FBXO4: variants seen among roughly 807,000 people sequenced by gnomAD.
FBXO4 encodes F-box only protein 4.
Under a neutral mutation model 43.7 loss-of-function variants are expected in FBXO4, and 36 were observed. The ratio of observed to expected loss-of-function variants is 0.82; its 90% CI spans 0.63 to 1.09. FBXO4 has a LOEUF of 1.09. Among genes scored for constraint, FBXO4 ranks in the 50% least tolerant of loss-of-function variants. The pLI is 0.00. For synonymous variants in FBXO4, 180 were observed against 165.6 expected, an observed-to-expected ratio of 1.09 and a Z score of -0.67; for missense variants, 435 against 474.1, an observed-to-expected ratio of 0.92 and a Z score of 0.77.
chr5:41,967,455 G>T, the FBXO4 span: 2 of 599,002 alleles, frequency 3.3e-6, no homozygotes, highest in South Asian at 3.0e-5. Flanking sequence ...ATATCTGCAA[G>T]AATTGTATGT....
downstream of FBXO4, among the ~76,000 whole-genome samples, chr5:41,944,871 C>A (rs1752054516): frequency 1.3e-5 from 2 of 152,188 alleles, no homozygotes; most frequent in African/African-American, 4.8e-5. Flanking sequence ...GTAGATACTT[C>A]ACTGGACAGG....
Position 41,934,120 on chromosome 5 carries a change from AT to A in FBXO4, c.723-5del, listed in dbSNP as rs757886981. ...TGTCTTTTTATATTCTGTCTTTACA[AT>A]TTTTTTTCTAGAAAGGAAAGAGATA... On this transcript the variant is annotated splice_polypyrimidine_tract_variant and intron_variant, in intron 4 of 6. Coordinates refer to ENST00000281623, the MANE Select transcript of FBXO4 (RefSeq NM_012176.3). 1.9e-5 allele frequency: 31 copies of A among 1,612,984 alleles called. No individual in the cohort carries two copies. Among genetic ancestry groups the A allele is most frequent in the African/African-American group, 4.0e-5 (3 of 74,798 alleles).
chr5:41,997,412 T>G, the FBXO4 span, among the ~76,000 whole-genome samples: 1 of 152,212 alleles, frequency 6.6e-6, no homozygotes, highest in Non-Finnish European at 1.5e-5. Context: ...ATATTGTTTC[T>G]GAGTTACTAT....
At chr5:41,958,620 A>C in the FBXO4 span, among the ~76,000 whole-genome samples, 1 of 152,096 alleles carries the variant, frequency 6.6e-6, no homozygotes. Context: ...GCTTTTTTAC[A>C]TTCCACATGT....
the FBXO4 span, among the ~76,000 whole-genome samples, chr5:42,020,737 G>A: frequency 3.9e-5 from 6 of 152,246 alleles, no homozygotes; most frequent in Non-Finnish European, 8.8e-5. Flanking sequence ...ATGTCTCATG[G>A]GCCAGAACCG....
chr5:42,008,333 C>G, the FBXO4 span, among the ~76,000 whole-genome samples: 3 of 152,136 alleles, frequency 2.0e-5, no homozygotes, highest in African/African-American at 7.2e-5. Flanking sequence ...GCTAGACATA[C>G]CAGCCTGATT....
At chr5:41,978,329 A>G in the FBXO4 span, among the ~76,000 whole-genome samples, 2 of 152,214 alleles carry the variant, frequency 1.3e-5, no homozygotes, top group South Asian at 2.1e-4. Flanking sequence ...TTATATTTCA[A>G]CATGAGGTTT....
At chr5:41,990,663 A>C in the FBXO4 span, among the ~76,000 whole-genome samples, 2 of 152,190 alleles carry the variant, frequency 1.3e-5, no homozygotes, top group Non-Finnish European at 2.9e-5. Context: ...CATTGTAGAT[A>C]GTTTTCTATT....
At chr5:42,034,501 T>G in the FBXO4 span, among the ~76,000 whole-genome samples, 1 of 152,104 alleles carries the variant, frequency 6.6e-6, no homozygotes, top group African/African-American at 2.4e-5. Context: ...TTTTGGGTTT[T>G]ACATTTAAGT....
chr5:41,945,728 T>C (rs917023419), downstream of FBXO4, among the ~76,000 whole-genome samples: 1 of 152,184 alleles, frequency 6.6e-6, no homozygotes, highest in Non-Finnish European at 1.5e-5. Context: ...GATAGGGCTA[T>C]ATCTCATCTT....
At chr5:41,969,689 G>C in the FBXO4 span, among the ~76,000 whole-genome samples, 27 of 152,230 alleles carry the variant, frequency 1.8e-4, no homozygotes, top group South Asian at 4.4e-3. Flanking sequence ...TAGGATAAAT[G>C]GTGAGTTGCA....
At chr5:41,970,345 G>A in the FBXO4 span, among the ~76,000 whole-genome samples, 1 of 151,990 alleles carries the variant, frequency 6.6e-6, no homozygotes. Context: ...ATTCCCATCA[G>A]GGGTGTATGA....
At chr5:42,039,200 C>G in the FBXO4 span, among the ~76,000 whole-genome samples, 1 of 152,066 alleles carries the variant, frequency 6.6e-6, no homozygotes, top group African/African-American at 2.4e-5. Context: ...AACAAATAAT[C>G]ACAACTTGTG....
chr5:41,951,058 G>A, the FBXO4 span, among the ~76,000 whole-genome samples: 1 of 152,144 alleles, frequency 6.6e-6, no homozygotes, highest in Non-Finnish European at 1.5e-5. Context: ...ACCGGGGCCT[G>A]TTGGGGGGTA....
chr5:41,941,123 T>G, intron 6 of FBXO4, 69 bp from the exon 7 acceptor site: 1 of 1,162,880 alleles, frequency 8.6e-7, no homozygotes, highest in Non-Finnish European at 1.3e-6. Flanking sequence ...TCTAGAAAAA[T>G]GTCCCTCCTA....
At chr5:41,928,346 T>C (rs570866125) in intron 2 of FBXO4, among the ~76,000 whole-genome samples, 19 of 151,818 alleles carry the variant, frequency 1.3e-4, no homozygotes, top group Admixed American at 1.2e-3. Flanking sequence ...TTCTTTTTTT[T>C]TTTTTTGAGA....
the FBXO4 span, among the ~76,000 whole-genome samples, chr5:42,015,147 T>C: frequency 2.7e-4 from 41 of 152,320 alleles, no homozygotes; most frequent in African/African-American, 9.4e-4. Flanking sequence ...CAACTCTTTC[T>C]TTAATTATTG....
chr5:41,991,765 T>C, the FBXO4 span, among the ~76,000 whole-genome samples: 2 of 152,208 alleles, frequency 1.3e-5, no homozygotes, highest in South Asian at 2.1e-4. Context: ...TCTTCCTCAA[T>C]TTTTTGTGTC....
At chr5:41,978,442 T>C in the FBXO4 span, among the ~76,000 whole-genome samples, 4 of 152,176 alleles carry the variant, frequency 2.6e-5, no homozygotes, top group Non-Finnish European at 5.9e-5. Context: ...GAAGAAAATA[T>C]AGAAAGAAGA....
Sources: gnomAD v4.1 joint callset for allele counts (sites outside exome capture counted in the v4.1 genomes callset) on GRCh38, gnomAD v4.1.1 for gene constraint, MANE v1.5 for transcripts, NCBI Gene and HGNC (gene_info 2026-07-23, HGNC 2026-07-21) for gene names.